Variants in CADM1 observed in about 807,000 individuals in gnomAD.
The protein encoded by CADM1 is cell adhesion molecule 1.
CADM1 carries 15 observed loss-of-function variants against 53.1 expected under a neutral mutation model. The ratio of observed to expected loss-of-function variants is 0.28; its 90% CI spans 0.19 to 0.44. CADM1 has a LOEUF of 0.44. Among genes scored for constraint, CADM1 ranks in the 20% least tolerant of loss-of-function variants. The pLI is 1.00. For missense variants in CADM1, 434 were observed against 611.3 expected (o/e 0.71, Z 3.06); for synonymous variants, 281 against 243.0 (o/e 1.16, Z -1.45).
intron 1 of CADM1, among the ~76,000 whole-genome samples, chr11:115,414,552 A>G (rs549622412): frequency 6.6e-6 from 1 of 152,374 alleles, no homozygotes; most frequent in Admixed American, 6.5e-5. Flanking sequence ...TCAAAGGAAC[A>G]GAATTTGGTA....
chr11:115,181,495 A>C (rs905609913), intron 10 of CADM1, among the ~76,000 whole-genome samples: 13 of 152,336 alleles, frequency 8.5e-5, no homozygotes, highest in Middle Eastern at 3.4e-3. Context: ...CAGAAAGTTT[A>C]CTACCACCAG....
chr11:115,435,172 A>G (rs925170454), intron 1 of CADM1, among the ~76,000 whole-genome samples: 6 of 151,934 alleles, frequency 3.9e-5, no homozygotes, highest in African/African-American at 1.5e-4. Flanking sequence ...TCTTAGGATT[A>G]TTGTAAATGT....
intron 1 of CADM1, among the ~76,000 whole-genome samples, chr11:115,471,112 T>C (rs1243945976): frequency 1.3e-5 from 2 of 152,228 alleles, no homozygotes; most frequent in African/African-American, 4.8e-5. Context: ...CATGTACATT[T>C]TCCTTTCTAC....
intron 1 of CADM1, among the ~76,000 whole-genome samples, chr11:115,306,873 A>G (rs1443694809): frequency 6.6e-6 from 1 of 152,026 alleles, no homozygotes; most frequent in Non-Finnish European, 1.5e-5. Flanking sequence ...TGCACTTTCT[A>G]TTCATTACTG....
chr11:115,365,056 G>A lies in CADM1; in HGVS notation c.125-124636C>T, dbSNP rs377154625. On this transcript the variant is annotated intron_variant, in intron 1 of 11. Transcript: ENST00000331581. ...CCATTCCCTCTGTAGAACATGCCCTGATGTGAAGGGCATTCTGCAGAGTCA... is the reference window on the plus strand; with the variant it reads ...CCATTCCCTCTGTAGAACATGCCCTAATGTGAAGGGCATTCTGCAGAGTCA... 1.6e-3 allele frequency among the ~76,000 whole-genome samples: 241 copies of A among 152,286 alleles called. 2 individuals are homozygous for A. The Middle Eastern group carries it at 0.024, about 15-fold the overall frequency.
At position 115,172,266 on chromosome 11, in the gene CADM1, A is replaced by C. The variant is rs1448784269; in HGVS notation, c.*4208T>G. 6.6e-6 allele frequency: 1 copy of C among 152,188 alleles called. No homozygotes were observed. Among genetic ancestry groups the C allele is most frequent in the African/African-American group, 2.4e-5 (1 of 41,416 alleles). The allele number at this position is 152,188 out of a possible 1,614,324, so 9.4% of individuals were successfully genotyped here. A position where few individuals can be genotyped will look rare whatever the true frequency, so the allele number is the denominator to read the frequency against. On this transcript the variant is annotated 3_prime_UTR_variant, in exon 12 of 12. Coordinates refer to ENST00000331581, the MANE Select transcript of CADM1 (RefSeq NM_001301043.2). ...GAGATGCAATGAATGAGTACTCCCT[A>C]CTGCTCCTTGCCCTCTGGCAGAGGC...
At chr11:115,349,952 C>T (rs146847067) in intron 1 of CADM1, among the ~76,000 whole-genome samples, 226 of 152,184 alleles carry the variant, frequency 1.5e-3, no homozygotes, top group African/African-American at 5.0e-3. Flanking sequence ...ATAGCCTTAC[C>T]ATCTTTTTCT....
chr11:115,178,888 A>C, intron 10 of CADM1, 113 bp from the exon 11 acceptor site: 1 of 1,149,898 alleles, frequency 8.7e-7, no homozygotes, highest in Non-Finnish European at 1.3e-6. Flanking sequence ...TGGAGGAGTC[A>C]CAGAGAACAA....
intron 3 of CADM1, among the ~76,000 whole-genome samples, chr11:115,234,206 G>A (rs760685996): frequency 2.1e-4 from 32 of 151,884 alleles, no homozygotes; most frequent in Admixed American, 5.9e-4. Flanking sequence ...TCACTACCTC[G>A]TTCATCTTCA....
chr11:115,262,144 T>C (rs545600226), intron 1 of CADM1, among the ~76,000 whole-genome samples: 19 of 151,196 alleles, frequency 1.3e-4, no homozygotes, highest in Admixed American at 4.6e-4. Flanking sequence ...TTTTTGTCTT[T>C]TTTTTTTTTT....
intron 1 of CADM1, among the ~76,000 whole-genome samples, chr11:115,255,082 AAAAG>A (rs1328821209): frequency 6.6e-6 from 1 of 152,140 alleles, no homozygotes; most frequent in African/African-American, 2.4e-5. Context: ...CAGGAGAAGG[AAAAG>A]AGAGTGAGCA....
intron 7 of CADM1, among the ~76,000 whole-genome samples, chr11:115,214,060 AC>A (rs11316027): frequency 0.35 from 52,861 of 152,082 alleles, 11,116 homozygotes; most frequent in Non-Finnish European, 0.47. Flanking sequence ...TATTAAAAAA[AC>A]AGACACATTT....
intron 10 of CADM1, chr11:115,179,128 CT>C: frequency 2.9e-6 from 1 of 341,070 alleles, no homozygotes; most frequent in Non-Finnish European, 5.8e-6. Context: ...GCTGACCTGA[CT>C]ATTTGAGGGT....
intron 1 of CADM1, among the ~76,000 whole-genome samples, chr11:115,360,740 G>A (rs1016729890): frequency 1.1e-4 from 16 of 152,198 alleles, no homozygotes; most frequent in African/African-American, 3.6e-4. Context: ...AAATAAAAGT[G>A]TCTGGAAGGC....
At chr11:115,315,760 A>G (rs1041488307) in intron 1 of CADM1, among the ~76,000 whole-genome samples, 1 of 152,054 alleles carries the variant, frequency 6.6e-6, no homozygotes, top group African/African-American at 2.4e-5. Flanking sequence ...GCGTGTCACA[A>G]CTCTCCTGAA....
chr11:115,442,653 A>G (rs2135327537), intron 1 of CADM1, among the ~76,000 whole-genome samples: 1 of 152,296 alleles, frequency 6.6e-6, no homozygotes, highest in Middle Eastern at 3.4e-3. Flanking sequence ...TAGGAAAACC[A>G]TTTGCAAACT....
intron 1 of CADM1, among the ~76,000 whole-genome samples, chr11:115,349,385 T>C (rs1304568818): frequency 1.3e-5 from 2 of 152,248 alleles, no homozygotes. Flanking sequence ...ATAGTAAGAT[T>C]TGTCTTTGAA....
chr11:115,179,470 C>G (rs1370443695), intron 10 of CADM1, among the ~76,000 whole-genome samples: 1 of 152,224 alleles, frequency 6.6e-6, no homozygotes, highest in Non-Finnish European at 1.5e-5. Flanking sequence ...ATAAGCATCA[C>G]CCCCTCAGGA....
intron 1 of CADM1, among the ~76,000 whole-genome samples, chr11:115,494,389 G>A (rs565440098): frequency 2.6e-5 from 4 of 152,122 alleles, no homozygotes; most frequent in African/African-American, 9.6e-5. Flanking sequence ...TGTCTTATGG[G>A]TTAGCTACAG....
Sources: gnomAD v4.1 joint callset for allele counts (sites outside exome capture counted in the v4.1 genomes callset) on GRCh38, gnomAD v4.1.1 for gene constraint, MANE v1.5 for transcripts, NCBI Gene and HGNC (gene_info 2026-07-23, HGNC 2026-07-21) for gene names.